FANCC: variants seen among roughly 807,000 people sequenced by gnomAD.
The protein encoded by FANCC is FA complementation group C.
FANCC carries 55 observed loss-of-function variants against 71.3 expected under a neutral mutation model. The observed-to-expected ratio is 0.77, with a 90% CI of 0.62 to 0.97. The LOEUF is 0.97. Among genes scored for constraint, FANCC ranks in the 50% least tolerant of loss-of-function variants. The pLI, the probability that FANCC is intolerant of heterozygous loss-of-function variation, is 0.00. For synonymous variants in FANCC, 275 were observed against 244.9 expected (o/e 1.12, Z -1.15); for missense variants, 678 against 670.9 (o/e 1.01, Z -0.12).
At chr9:95,283,208 A>G (rs568248902) in intron 1 of FANCC, among the ~76,000 whole-genome samples, 2 of 152,282 alleles carry the variant, frequency 1.3e-5, no homozygotes, top group East Asian at 3.9e-4. Flanking sequence ...CAGCCTCCCC[A>G]GGGGCTGGGA....
Position 95,243,515 on chromosome 9 carries a change from T to C in FANCC, c.251-2772A>G, listed in dbSNP as rs1283975645. ...AAAAGCAATTTTGGGCCAGGCGTGG[T>C]GGTTCACACCTGTAATCCCAGCACT... On this transcript the variant is annotated intron_variant, in intron 3 of 14. Transcript: ENST00000289081. Among the ~76,000 whole-genome samples the C allele has an allele frequency of 2.6e-5, 4 of 152,208 alleles. No individual in the cohort carries two copies. The East Asian group carries it at 7.7e-4, about 29-fold the overall frequency.
At chr9:95,219,537 C>T (rs563327029) in intron 4 of FANCC, among the ~76,000 whole-genome samples, 6 of 152,068 alleles carry the variant, frequency 3.9e-5, no homozygotes, top group Non-Finnish European at 8.8e-5. Context: ...AACATGGCCC[C>T]TTCAAAGGAA....
chr9:95,317,492 C>G (rs1345352889), intron 1 of FANCC, 34 bp downstream of exon 1: 1 of 152,360 alleles, frequency 6.6e-6, no homozygotes, highest in Non-Finnish European at 1.5e-5. Context: ...AGGGAAGCCT[C>G]CGCCCTCGCT....
chr9:95,303,951 G>A (rs1006506598), intron 1 of FANCC, among the ~76,000 whole-genome samples: 2 of 152,134 alleles, frequency 1.3e-5, no homozygotes, highest in Admixed American at 6.5e-5. Flanking sequence ...CAGATTGAAA[G>A]GGCTGACCAA....
intron 1 of FANCC, among the ~76,000 whole-genome samples, chr9:95,284,902 AC>A (rs1221774932): frequency 2.0e-5 from 3 of 151,342 alleles, no homozygotes; most frequent in Non-Finnish European, 3.0e-5. Context: ...ACACACACAC[AC>A]AAACATACGC....
chr9:95,125,241 A>G (rs564421643), intron 9 of FANCC, 56 bp from the exon 10 acceptor site: 31 of 1,403,850 alleles, frequency 2.2e-5, no homozygotes, highest in Middle Eastern at 3.5e-4. Context: ...GGCAAACATG[A>G]AAACCTGCAC....
chr9:95,232,830 G>A (rs1307039993), intron 4 of FANCC, among the ~76,000 whole-genome samples: 8 of 152,134 alleles, frequency 5.3e-5, no homozygotes, highest in African/African-American at 1.7e-4. Flanking sequence ...TTCCAGAGAC[G>A]CTCTGATCTC....
intron 4 of FANCC, among the ~76,000 whole-genome samples, chr9:95,185,962 G>GA (rs1193064768): frequency 6.6e-6 from 1 of 152,186 alleles, no homozygotes; most frequent in Non-Finnish European, 1.5e-5. Context: ...TTTTTCCTCA[G>GA]AAAATCTGAA....
Position 95,156,185 on chromosome 9 carries a change from G to A in FANCC, c.522-6098C>T, listed in dbSNP as rs143527413. Among the ~76,000 whole-genome samples the A allele has an allele frequency of 3.2e-4, 49 of 152,290 alleles. No individual in the cohort carries two copies. The East Asian group carries it at 8.9e-3, about 28-fold the overall frequency. ...ATGAACAAATTCCCTGGCACAGAGC[G>A]AAGTCCACTGAAGGATGTCCATGCT... On this transcript the variant is annotated intron_variant, in intron 6 of 14. Transcript: ENST00000289081.
At position 95,282,126 on chromosome 9, in the gene FANCC, AAAAG is replaced by A. The variant is rs1458318931; in HGVS notation, c.-78-32761_-78-32758del. ...CAGAGTAGCTAAATGGATTTAAAAA[AAAAG>A]AAAACAAGACCCAACTATATACTGC... On this transcript the variant is annotated intron_variant, in intron 1 of 14. Coordinates refer to ENST00000289081, the MANE Select transcript of FANCC (RefSeq NM_000136.3). Among the ~76,000 whole-genome samples, 3 of 152,164 alleles carry A rather than the reference AAAAG, an allele frequency of 2.0e-5. No individual in the cohort carries two copies. In the East Asian group the frequency reaches 5.8e-4, roughly 29 times the overall value.
intron 4 of FANCC, among the ~76,000 whole-genome samples, chr9:95,199,697 GCTC>G (rs1827689216): frequency 6.6e-6 from 1 of 152,142 alleles, no homozygotes; most frequent in African/African-American, 2.4e-5. Context: ...ACCACCAGAG[GCTC>G]CTGGTTTCCA....
At chr9:95,157,566 G>A (rs542299685) in intron 6 of FANCC, among the ~76,000 whole-genome samples, 7 of 152,310 alleles carry the variant, frequency 4.6e-5, no homozygotes, top group South Asian at 2.1e-4. Flanking sequence ...CATGGTTACC[G>A]TCTAGCCTTC....
chr9:95,102,427 T>C (rs1210197658), intron 14 of FANCC, among the ~76,000 whole-genome samples: 1 of 152,190 alleles, frequency 6.6e-6, no homozygotes, highest in East Asian at 1.9e-4. Flanking sequence ...CCTGTAAGTA[T>C]TTTCCTAAAA....
chr9:95,279,947 CAA>C (rs71498957), intron 1 of FANCC, among the ~76,000 whole-genome samples: 2,661 of 64,750 alleles, frequency 0.041, 43 homozygotes, highest in African/African-American at 0.13. Context: ...GACTCTGTCT[CAA>C]AAAAAAAAAA....
At chr9:95,260,956 C>T (rs545957714) in intron 1 of FANCC, among the ~76,000 whole-genome samples, 1 of 152,260 alleles carries the variant, frequency 6.6e-6, no homozygotes, top group African/African-American at 2.4e-5. Context: ...CTTTTCCTTC[C>T]AGTCCTCAAA....
intron 6 of FANCC, among the ~76,000 whole-genome samples, chr9:95,150,833 C>A (rs566247848): frequency 4.6e-5 from 7 of 152,294 alleles, no homozygotes; most frequent in Admixed American, 3.9e-4. Context: ...GTTCACTCTG[C>A]CTGAAATACA....
chr9:95,202,922 G>A (rs938931111), intron 4 of FANCC, among the ~76,000 whole-genome samples: 8 of 152,084 alleles, frequency 5.3e-5, no homozygotes, highest in African/African-American at 1.9e-4. Flanking sequence ...TATGAAAGAT[G>A]GTAATCTACA....
intron 1 of FANCC, among the ~76,000 whole-genome samples, chr9:95,266,813 A>T (rs1312071671): frequency 1.3e-5 from 2 of 152,202 alleles, no homozygotes; most frequent in Non-Finnish European, 2.9e-5. Flanking sequence ...GAGCTCACAT[A>T]GGAAGCGTTC....
intron 1 of FANCC, among the ~76,000 whole-genome samples, chr9:95,273,773 C>G (rs554100675): frequency 6.6e-6 from 1 of 152,226 alleles, no homozygotes; most frequent in African/African-American, 2.4e-5. Context: ...ATCCAGCCAA[C>G]AGACCCTTTA....
Sources: gnomAD v4.1 joint callset for allele counts (sites outside exome capture counted in the v4.1 genomes callset) on GRCh38, gnomAD v4.1.1 for gene constraint, MANE v1.5 for transcripts, NCBI Gene and HGNC (gene_info 2026-07-23, HGNC 2026-07-21) for gene names.